The following USP34 variants were observed in gnomAD, a reference collection of about 807,000 sequenced individuals.
USP34 encodes the protein ubiquitin specific peptidase 34.
Under a neutral mutation model 460.3 loss-of-function variants are expected in USP34, and 70 were observed. The ratio of observed to expected loss-of-function variants is 0.15; its 90% CI spans 0.13 to 0.19. USP34 has a LOEUF of 0.19. Ranked by LOEUF, USP34 falls within the 10% of genes least tolerant of loss-of-function variation. The pLI, the probability that USP34 is intolerant of heterozygous loss-of-function variation, is 1.00. For missense variants in USP34, 3,985 were observed against 4,236.2 expected, an observed-to-expected ratio of 0.94 and a Z score of 1.65; for synonymous variants, 1,647 against 1,405.3, an observed-to-expected ratio of 1.17 and a Z score of -3.85.
At chr2:61,241,259 G>C (rs1210657909) in intron 53 of USP34, among the ~76,000 whole-genome samples, 1 of 151,896 alleles carries the variant, frequency 6.6e-6, no homozygotes, top group Non-Finnish European at 1.5e-5. Flanking sequence ...GGCCATGCTG[G>C]TCTTGAACCC....
chr2:61,240,359 G>A (rs183704650), intron 53 of USP34, among the ~76,000 whole-genome samples: 60 of 151,720 alleles, frequency 4.0e-4, no homozygotes, highest in African/African-American at 1.4e-3. Flanking sequence ...GTGCGATCTC[G>A]GCTCCGCCTC....
At chr2:61,446,113 CAAAAAAAAA>C (rs35776849) in intron 1 of USP34, among the ~76,000 whole-genome samples, 10 of 87,256 alleles carry the variant, frequency 1.1e-4, no homozygotes, top group African/African-American at 4.6e-4. Flanking sequence ...GACTCTGTCT[CAAAAAAAAA>C]AAAAAAAAAA....
intron 53 of USP34, among the ~76,000 whole-genome samples, chr2:61,239,808 A>G (rs1192705573): frequency 6.6e-6 from 1 of 152,100 alleles, no homozygotes; most frequent in African/African-American, 2.4e-5. Context: ...AGAGATTGAG[A>G]CCATCCTGGC....
intron 41 of USP34, among the ~76,000 whole-genome samples, chr2:61,269,770 G>A (rs776117264): frequency 7.2e-5 from 11 of 151,946 alleles, no homozygotes; most frequent in African/African-American, 2.2e-4. Context: ...AAAGGCTCCT[G>A]TTTTTACAAT....
intron 5 of USP34, among the ~76,000 whole-genome samples, chr2:61,390,463 G>C (rs1693309675): frequency 6.6e-6 from 1 of 152,174 alleles, no homozygotes; most frequent in African/African-American, 2.4e-5. Flanking sequence ...TACATAAAAA[G>C]CTGCATTTGC....
In USP34 at chr2:61,239,300, T is replaced by TCACTCACA. The variant is rs1553355588; in HGVS notation, c.6777+2259_6777+2260insTGTGAGTG. Among the ~76,000 whole-genome samples the TCACTCACA allele has an allele frequency of 6.6e-3, 880 of 132,818 alleles. 7 individuals are homozygous for TCACTCACA. Among genetic ancestry groups the TCACTCACA allele is most frequent in the East Asian group, 0.019 (82 of 4,332 alleles). 87.1% of individuals were successfully genotyped at this position (132,818 alleles called of 152,430 possible). A position where few individuals can be genotyped will look rare whatever the true frequency, so the allele number is the denominator to read the frequency against. ...TTCCTCACTTTAAATGAGGGCCCTG[T>TCACTCACA]CACACACACACACACACACACACAC... On this transcript the variant is annotated intron_variant, in intron 53 of 79. Coordinates refer to ENST00000398571, the MANE Select transcript of USP34 (RefSeq NM_014709.4).
Position 61,223,079 on chromosome 2 carries a change from T to G in USP34, c.7730A>C (p.Asn2577Thr). ...ACTTACATGTTCTGCAAGTCGATTA[T>G]TGTATCGACACAGGCTGAAAATCAG... is the stretch of plus-strand genomic sequence containing the variant. The part of the protein sequence containing the change: ...CNLIFSLCRY[N>T]NRLAEHIVSM... Residue 2577 changes from asparagine to threonine, a missense_variant, in exon 64 of 80, where the codon AAT becomes ACT. Transcript: ENST00000398571. The G allele has an allele frequency of 6.2e-7, 1 of 1,613,350 alleles. No individual in the cohort carries two copies. The highest frequency in any genetic ancestry group is 8.5e-7 in the Non-Finnish European group (1 of 1,179,360).
chr2:61,275,991 C>CA (rs1306278512), intron 41 of USP34, among the ~76,000 whole-genome samples: 1 of 152,128 alleles, frequency 6.6e-6, no homozygotes, highest in Non-Finnish European at 1.5e-5. Context: ...AAAGAGCTGA[C>CA]ATATTCAAAA....
chr2:61,243,745 C>A (rs894817998), intron 51 of USP34, among the ~76,000 whole-genome samples: 13 of 151,724 alleles, frequency 8.6e-5, no homozygotes, highest in Non-Finnish European at 1.6e-4. Context: ...GTGGCGCGTG[C>A]CTGTAATCCC....
intron 18 of USP34, among the ~76,000 whole-genome samples, chr2:61,334,476 T>G (rs999363572): frequency 1.3e-5 from 2 of 152,062 alleles, no homozygotes; most frequent in South Asian, 2.1e-4. Context: ...GATACTGACA[T>G]AGAAATCCTG....
In USP34 at chr2:61,283,282, T is replaced by G. The variant is rs755934888; in HGVS notation, c.4874-13A>C. ...GAATAATGTGAAACTAAAGAAAAAT[T>G]AGAAAACAGTTCACTATAAAAGGTT... On this transcript the variant is annotated splice_polypyrimidine_tract_variant and intron_variant, in intron 36 of 79. Coordinates refer to ENST00000398571, the MANE Select transcript of USP34 (RefSeq NM_014709.4). The G allele has an allele frequency of 3.9e-5, 63 of 1,609,356 alleles. 1 individual carries two copies. In the South Asian group the frequency reaches 6.5e-4, roughly 17 times the overall value.
intron 1 of USP34, among the ~76,000 whole-genome samples, chr2:61,456,456 C>T (rs562551441): frequency 2.1e-4 from 32 of 152,334 alleles, no homozygotes; most frequent in African/African-American, 7.7e-4. Flanking sequence ...AAAAGATTCA[C>T]TCTTTTTCTC....
chr2:61,403,597 G>GAAGATCAC (rs1377584662), intron 3 of USP34, among the ~76,000 whole-genome samples: 1 of 152,022 alleles, frequency 6.6e-6, no homozygotes, highest in African/African-American at 2.4e-5. Context: ...TTCTATACTG[G>GAAGATCAC]AAGATCACAG....
At chr2:61,267,070 C>G (rs1689071374) in intron 41 of USP34, among the ~76,000 whole-genome samples, 1 of 152,202 alleles carries the variant, frequency 6.6e-6, no homozygotes, top group Non-Finnish European at 1.5e-5. Context: ...TACAATACAT[C>G]ACATGCGTTG....
Position 61,283,893 on chromosome 2 carries a change from G to C in USP34, c.4833-444C>G, listed in dbSNP as rs139964145. Among the ~76,000 whole-genome samples the C allele has an allele frequency of 3.7e-3, 527 of 142,756 alleles. 2 individuals carry two copies. Among genetic ancestry groups the C allele is most frequent in the African/African-American group, 0.011 (435 of 39,778 alleles). The allele number at this position is 142,756 out of a possible 152,430, so 93.7% of individuals were successfully genotyped here. A position where few individuals can be genotyped will look rare whatever the true frequency, so the allele number is the denominator to read the frequency against. On this transcript the variant is annotated intron_variant, in intron 35 of 79. Coordinates refer to ENST00000398571, the MANE Select transcript of USP34 (RefSeq NM_014709.4). Reference sequence around the variant, plus strand: ...GAAGAGTCAAACTCATTGAAGAAGAGAGTAGAATAATGGTTACCAGAGGCT... The same window carrying C: ...GAAGAGTCAAACTCATTGAAGAAGACAGTAGAATAATGGTTACCAGAGGCT...
chr2:61,375,768 C>CA (rs56304309), intron 8 of USP34, among the ~76,000 whole-genome samples: 3,850 of 80,558 alleles, frequency 0.048, 276 homozygotes, highest in Non-Finnish European at 0.058. Context: ...GACTCTGTCT[C>CA]AAAAAAAAAA....
chr2:61,373,904 C>G (rs1692708969), intron 8 of USP34, among the ~76,000 whole-genome samples: 1 of 152,090 alleles, frequency 6.6e-6, no homozygotes, highest in African/African-American at 2.4e-5. Context: ...CCTGTAATCC[C>G]AGCACTTTGG....
Position 61,283,399 on chromosome 2 carries a change from G to T in USP34, c.4873+10C>A. 3 of 1,597,642 alleles carry T rather than the reference G, an allele frequency of 1.9e-6. No homozygotes were observed. The highest frequency in any genetic ancestry group is 2.6e-6 in the Non-Finnish European group (3 of 1,174,560). ...TTATTTATTAAAAGTTAACTTTGTG[G>T]AACCCTTACCTTCATGTCTAGACCT... On this transcript the variant is annotated intron_variant, in intron 36 of 79. Coordinates refer to ENST00000398571, the MANE Select transcript of USP34 (RefSeq NM_014709.4).
chr2:61,344,808 G>A (rs1191864823), intron 15 of USP34, among the ~76,000 whole-genome samples: 1 of 152,162 alleles, frequency 6.6e-6, no homozygotes, highest in Non-Finnish European at 1.5e-5. Context: ...TTCCCAATCA[G>A]GGGTGAATTT....
Sources: allele counts gnomAD v4.1 joint callset (sites outside exome capture counted in the v4.1 genomes callset), GRCh38; gene constraint gnomAD v4.1.1; transcripts MANE v1.5; gene names NCBI Gene and HGNC (gene_info 2026-07-23, HGNC 2026-07-21).